Variants in ANKRD28 observed in about 807,000 individuals in gnomAD.
ANKRD28 encodes the protein serine/threonine-protein phosphatase 6 regulatory ankyrin repeat subunit A.
A neutral mutation model predicts 126.5 loss-of-function variants in ANKRD28; 44 were observed. That is an observed-to-expected ratio of 0.35 (90% CI 0.27 to 0.45). The LOEUF (loss-of-function observed/expected upper bound fraction) is 0.45, where lower values mean the gene tolerates loss of function less well. Ranked by LOEUF, ANKRD28 falls within the 20% of genes least tolerant of loss-of-function variation. The pLI, the probability that ANKRD28 is intolerant of heterozygous loss-of-function variation, is 1.00. For synonymous variants in ANKRD28, 442 were observed against 468.5 expected (o/e 0.94, Z 0.73); for missense variants, 1,110 against 1,316.6 (o/e 0.84, Z 2.43).
At chr3:15,728,920 A>C (rs948334328) in intron 6 of ANKRD28, among the ~76,000 whole-genome samples, 3 of 152,224 alleles carry the variant, frequency 2.0e-5, no homozygotes, top group Non-Finnish European at 4.4e-5. Context: ...TGGCTTAAAC[A>C]ATCAATGTTT....
In ANKRD28 at chr3:15,815,566, G is replaced by A. The variant is rs897252994; in HGVS notation, c.28-20260C>T. 2.0e-5 allele frequency among the ~76,000 whole-genome samples: 3 copies of A among 152,092 alleles called. No homozygotes were observed. The highest frequency in any genetic ancestry group is 4.4e-5 in the Non-Finnish European group (3 of 68,018). On this transcript the variant is annotated intron_variant, in intron 1 of 27. Coordinates refer to the ANKRD28 transcript ENST00000399451. This position sits in a 1 kb window ranked among gnomAD's most constrained non-coding sequence, Gnocchi z 4.1. ...TCCTGCCTTGGCCTCCCAAAGTGCTGGGGTTACATGAGTGAGCCACTGCAC... is the reference window on the plus strand; with the variant it reads ...TCCTGCCTTGGCCTCCCAAAGTGCTAGGGTTACATGAGTGAGCCACTGCAC...
At chr3:15,858,406 A>T (rs938336332) in intron 1 of ANKRD28, among the ~76,000 whole-genome samples, 1 of 152,232 alleles carries the variant, frequency 6.6e-6, no homozygotes, top group African/African-American at 2.4e-5. Context: ...TTGATATTAG[A>T]TTCAGAATTT....
intron 26 of ANKRD28, 125 bp downstream of exon 26, chr3:15,676,849 A>G (rs991318554): frequency 4.4e-6 from 3 of 676,168 alleles, no homozygotes; most frequent in Non-Finnish European, 7.2e-6. Context: ...GACAGTTGTA[A>G]AACTATTAAA....
chr3:15,799,729 A>G (rs886100003), upstream of ANKRD28, among the ~76,000 whole-genome samples: 4 of 152,048 alleles, frequency 2.6e-5, no homozygotes, highest in African/African-American at 9.7e-5. Context: ...TCACCTACTT[A>G]GACTTAAGCA....
chr3:15,711,593 T>C (rs66646328), intron 11 of ANKRD28, among the ~76,000 whole-genome samples: 26,348 of 152,042 alleles, frequency 0.17, 3,480 homozygotes, highest in East Asian at 0.56. Context: ...TTTATAGAGA[T>C]GAAAAGTAGA....
At chr3:15,741,071 C>T (rs374543085) in intron 4 of ANKRD28, among the ~76,000 whole-genome samples, 9 of 152,098 alleles carry the variant, frequency 5.9e-5, no homozygotes, top group South Asian at 2.1e-4. Flanking sequence ...GGGGGGCGGG[C>T]GCCTGTAGTC....
At chr3:15,794,995 G>A (rs114533187) in intron 2 of ANKRD28, among the ~76,000 whole-genome samples, 13,130 of 152,076 alleles carry the variant, frequency 0.086, 748 homozygotes, top group Non-Finnish European at 0.13. Context: ...ACTTCCCTAT[G>A]TTTGAAAAAT....
At chr3:15,738,929 C>A (rs1014001152) in intron 4 of ANKRD28, 1 of 152,212 alleles carries the variant, frequency 6.6e-6, no homozygotes, top group African/African-American at 2.4e-5. Flanking sequence ...GGAATGCATT[C>A]TCTTTCTCAG....
At position 15,669,791 on chromosome 3, in the gene ANKRD28, C is replaced by CA. The variant is rs2125566066; in HGVS notation, c.*478dup. 6.5e-6 allele frequency: 1 copy of CA among 152,970 alleles called. No homozygotes were observed. Among genetic ancestry groups the CA allele is most frequent in the East Asian group, 1.9e-4 (1 of 5,192 alleles). The allele number at this position is 152,970 out of a possible 1,614,324, so 9.5% of individuals were successfully genotyped here. A position where few individuals can be genotyped will look rare whatever the true frequency, so the allele number is the denominator to read the frequency against. On this transcript the variant is annotated 3_prime_UTR_variant, in exon 28 of 28. Transcript: ENST00000683139. ...TTCATTTAATCTACTCCAGTTTCCA[C>CA]AAAATGGCATTTTATTAAAAAAACC...
At chr3:15,773,481 T>G (rs2059115501) in intron 2 of ANKRD28, among the ~76,000 whole-genome samples, 1 of 151,958 alleles carries the variant, frequency 6.6e-6, no homozygotes. Flanking sequence ...AAAAATTAGC[T>G]GGGTGTGGTG....
chr3:15,696,078 A>T, intron 15 of ANKRD28, 56 bp downstream of exon 15: 3 of 1,164,768 alleles, frequency 2.6e-6, no homozygotes, highest in Non-Finnish European at 3.7e-6. Flanking sequence ...CATTTTTGTT[A>T]CATTATTAGA....
At chr3:15,823,455 T>C (rs1249440309) in intron 1 of ANKRD28, among the ~76,000 whole-genome samples, 1 of 152,218 alleles carries the variant, frequency 6.6e-6, no homozygotes, top group Non-Finnish European at 1.5e-5. Flanking sequence ...ATGGCTTTGC[T>C]GATGAAGTCT....
At chr3:15,718,388 C>T (rs1350023029) in intron 8 of ANKRD28, among the ~76,000 whole-genome samples, 2 of 152,146 alleles carry the variant, frequency 1.3e-5, no homozygotes, top group African/African-American at 4.8e-5. Flanking sequence ...ATTCACTTGT[C>T]ATATATGAAA....
chr3:15,776,034 T>A (rs2059249600), intron 2 of ANKRD28, among the ~76,000 whole-genome samples: 1 of 152,128 alleles, frequency 6.6e-6, no homozygotes, highest in South Asian at 2.1e-4. Flanking sequence ...AGATAGCACC[T>A]CATAAGCATA....
chr3:15,791,501 A>T (rs2060024266), intron 2 of ANKRD28, among the ~76,000 whole-genome samples: 1 of 152,204 alleles, frequency 6.6e-6, no homozygotes, highest in Non-Finnish European at 1.5e-5. Flanking sequence ...GGTGCCAAGA[A>T]CATACACTGG....
intron 17 of ANKRD28, 74 bp downstream of exon 17, chr3:15,694,665 G>A (rs1355102253): frequency 4.5e-6 from 6 of 1,328,552 alleles, no homozygotes; most frequent in African/African-American, 2.9e-5. Context: ...ACTAGTTTGA[G>A]TCAACACAAA....
chr3:15,678,057 C>A (rs1377783700), intron 24 of ANKRD28, among the ~76,000 whole-genome samples, 152 bp downstream of exon 24: 1 of 152,032 alleles, frequency 6.6e-6, no homozygotes, highest in Non-Finnish European at 1.5e-5. Context: ...AACATTGTAT[C>A]CCTAAATGAA....
chr3:15,818,524 A>G (rs2060879594), intron 1 of ANKRD28, among the ~76,000 whole-genome samples: 1 of 152,232 alleles, frequency 6.6e-6, no homozygotes, highest in South Asian at 2.1e-4. Flanking sequence ...TCTAGTCCCA[A>G]GCATTTCAGA....
chr3:15,858,842 C>T (rs902702598), intron 1 of ANKRD28, among the ~76,000 whole-genome samples: 2 of 152,136 alleles, frequency 1.3e-5, no homozygotes, highest in Admixed American at 6.5e-5. Context: ...CTTCATAAGT[C>T]AAGAAAAGTA....
Sources: allele counts gnomAD v4.1 joint callset (sites outside exome capture counted in the v4.1 genomes callset), GRCh38; gene constraint gnomAD v4.1.1; non-coding constraint Gnocchi (gnomAD v3.1); transcripts MANE v1.5; gene names NCBI Gene and HGNC (gene_info 2026-07-23, HGNC 2026-07-21).